The following TSC2 variants were observed in gnomAD, a reference collection of about 807,000 sequenced individuals.
TSC2 encodes TSC complex subunit 2, also known as tuberin.
Under a neutral mutation model 202.2 loss-of-function variants are expected in TSC2, and 29 were observed. That is an observed-to-expected ratio of 0.14 (90% CI 0.11 to 0.20). TSC2 has a LOEUF of 0.20. Ranked by LOEUF, TSC2 falls within the 10% of genes least tolerant of loss-of-function variation. TSC2 has a pLI of 1.00. For synonymous variants in TSC2, 1,349 were observed against 1,044.0 expected (o/e 1.29, Z -5.63); for missense variants, 2,429 against 2,420.0 (o/e 1.00, Z -0.08).
intron 21 of TSC2, among the ~76,000 whole-genome samples, chr16:2,073,297 A>G (rs543187632): frequency 6.6e-6 from 1 of 152,228 alleles, no homozygotes; most frequent in South Asian, 2.1e-4. Flanking sequence ...CGGTTGGTGG[A>G]GCTGGGCTGG....
chr16:2,060,225 GCGATCACGT>G (rs1352813473), intron 10 of TSC2, among the ~76,000 whole-genome samples: 1 of 152,236 alleles, frequency 6.6e-6, no homozygotes, highest in Non-Finnish European at 1.5e-5. Flanking sequence ...GGAGGGTGGG[GCGATCACGT>G]CGTCCTGGTT....
chr16:2,066,482 G>A (rs1356515266), intron 16 of TSC2: 1 of 152,064 alleles, frequency 6.6e-6, no homozygotes, highest in Non-Finnish European at 1.5e-5. Flanking sequence ...CTTCTCCTAC[G>A]AGGGCTCCGC....
At chr16:2,086,589 C>A in intron 37 of TSC2, 143 bp from the exon 38 acceptor site, 1 of 1,425,580 alleles carries the variant, frequency 7.0e-7, no homozygotes, top group Non-Finnish European at 9.5e-7. Flanking sequence ...CTGGGGAGAG[C>A]CGAGGACCAC....
chr16:2,083,266 CT>C (rs1264087656), intron 32 of TSC2: 6 of 459,590 alleles, frequency 1.3e-5, no homozygotes, highest in Non-Finnish European at 2.2e-5. Context: ...TGAGCCTCTG[CT>C]CTTGGGAGCA....
chr16:2,085,999 A>C (rs974794935), intron 36 of TSC2, among the ~76,000 whole-genome samples, 194 bp from the exon 37 acceptor site: 1 of 151,996 alleles, frequency 6.6e-6, no homozygotes, highest in Non-Finnish European at 1.5e-5. Context: ...CCAGGCACAC[A>C]CGGGGCTGAG....
Position 2,084,479 on chromosome 16 carries a change from G to A in TSC2, c.4257G>A (p.Gln1419=), listed in dbSNP as rs1403321543. ...RLSPEVKARS[Q]SGTLDGESAA... ...GCCCTGAGGTTAAGGCCCGGTCACA[G>A]TCAGGGACCCTGGACGGGGAAAGTG... The change falls in exon 34 of 42, where the codon CAG becomes CAA. Residue 1419 remains glutamine (Q), a synonymous_variant. Coordinates refer to ENST00000219476, the MANE Select transcript of TSC2 (RefSeq NM_000548.5). 6.2e-7 allele frequency: 1 copy of A among 1,609,468 alleles called. No individual in the cohort carries two copies. Among genetic ancestry groups the A allele is most frequent in the Non-Finnish European group, 8.5e-7 (1 of 1,178,712 alleles).
chr16:2,051,178 G>A (rs1472171106), intron 3 of TSC2, among the ~76,000 whole-genome samples: 1 of 151,966 alleles, frequency 6.6e-6, no homozygotes, highest in Non-Finnish European at 1.5e-5. Flanking sequence ...TGATGAGCCG[G>A]GCATGGTGGC....
rs1596342515 is a variant in TSC2 at position 2,071,575 on chromosome 16, T to C, written c.1905T>C (p.Asp635=). ...SLHRLGLPNK[D]GVVRFSPYCV... ...ACCGCCTGGGCCTGCCCAACAAGGA[T>C]GGAGTCGTGCGGTTCAGCCCCTACT... Residue 635 remains aspartate, a synonymous_variant, in exon 18 of 42, where the codon GAT becomes GAC. Coordinates refer to ENST00000219476, the MANE Select transcript of TSC2 (RefSeq NM_000548.5). 6.2e-7 allele frequency: 1 copy of C among 1,613,494 alleles called. No individual in the cohort carries two copies. The highest frequency in any genetic ancestry group is 1.3e-5 in the African/African-American group (1 of 75,044).
At chr16:2,085,072 C>A (rs45482793) in intron 35 of TSC2, 46 bp downstream of exon 35, 57 of 1,610,450 alleles carry the variant, frequency 3.5e-5, no homozygotes, top group Non-Finnish European at 4.6e-5. Flanking sequence ...CTGTGTGGCT[C>A]GGGTGAATGG....
chr16:2,086,971 G>C (rs2151591994), intron 38 of TSC2, 100 bp downstream of exon 38: 1 of 1,521,200 alleles, frequency 6.6e-7, no homozygotes, highest in Non-Finnish European at 8.9e-7. Flanking sequence ...CGGTCACGAG[G>C]AGCAGGAGGA....
chr16:2,062,349 C>A, intron 12 of TSC2, 148 bp from the exon 13 acceptor site: 1 of 771,422 alleles, frequency 1.3e-6, no homozygotes, highest in African/African-American at 1.7e-5. Context: ...TTCCCCGCTG[C>A]CAGGAGTGCC....
chr16:2,085,131 G>A, intron 35 of TSC2, 99 bp from the exon 36 acceptor site: 1 of 1,601,474 alleles, frequency 6.2e-7, no homozygotes, highest in African/African-American at 1.3e-5. Context: ...AGAGGGCTCT[G>A]GCCTAAGCTC....
intron 16 of TSC2, among the ~76,000 whole-genome samples, chr16:2,069,430 C>T (rs1442146484): frequency 6.6e-6 from 1 of 152,036 alleles, no homozygotes; most frequent in Non-Finnish European, 1.5e-5. Context: ...GATTCTCCTG[C>T]CTCAGTCTCC....
chr16:2,068,974 T>C (rs530735302), intron 16 of TSC2, among the ~76,000 whole-genome samples: 71 of 151,600 alleles, frequency 4.7e-4, no homozygotes, highest in African/African-American at 1.7e-3. Flanking sequence ...GTCATCCTCA[T>C]GTTGAGGGGA....
At chr16:2,076,782 C>G in intron 25 of TSC2, 197 bp downstream of exon 25, 1 of 612,196 alleles carries the variant, frequency 1.6e-6, no homozygotes, top group East Asian at 2.8e-5. Flanking sequence ...TGGCCTGGGT[C>G]CGGGCTGCGT....
At chr16:2,076,380 C>T (rs549644124) in intron 24 of TSC2, 111 bp from the exon 25 acceptor site, 2 of 1,584,650 alleles carry the variant, frequency 1.3e-6, no homozygotes, top group Middle Eastern at 2.1e-4. Context: ...GTGCCGCCGC[C>T]TTGCCCCTAG....
chr16:2,082,117 G>A (rs1211901774), intron 31 of TSC2: 5 of 589,890 alleles, frequency 8.5e-6, no homozygotes, highest in Non-Finnish European at 1.5e-5. Flanking sequence ...CTGGGCCCAG[G>A]TTTGGACACC....
intron 36 of TSC2, 145 bp downstream of exon 36, chr16:2,085,467 GC>G: frequency 1.1e-6 from 1 of 900,052 alleles, no homozygotes; most frequent in Non-Finnish European, 1.7e-6. Flanking sequence ...TGAGCTCTGT[GC>G]CAGGTGCTGC....
At chr16:2,070,655 G>A (rs1262217066) in intron 17 of TSC2, 77 bp downstream of exon 17, 26 of 1,604,270 alleles carry the variant, frequency 1.6e-5, no homozygotes, top group Non-Finnish European at 1.6e-5. Flanking sequence ...GTGGTTCCTG[G>A]AAGCTGCAGA....
Sources: gnomAD v4.1 joint callset for allele counts (sites outside exome capture counted in the v4.1 genomes callset) on GRCh38, gnomAD v4.1.1 for gene constraint, MANE v1.5 for transcripts, NCBI Gene and HGNC (gene_info 2026-07-23, HGNC 2026-07-21) for gene names.